STK31: variants seen among roughly 807,000 people sequenced by gnomAD.
STK31 encodes the protein serine/threonine kinase 31, also known as serine/threonine-protein kinase 31.
Under a neutral mutation model 129.7 loss-of-function variants are expected in STK31, and 89 were observed. The observed-to-expected ratio is 0.69, with a 90% CI of 0.58 to 0.82. The LOEUF is 0.82. STK31 is among the 40% of genes least tolerant of loss of function. The pLI is 0.00. For synonymous variants in STK31, 448 were observed against 395.3 expected, an observed-to-expected ratio of 1.13 and a Z score of -1.58; for missense variants, 1,187 against 1,176.4, an observed-to-expected ratio of 1.01 and a Z score of -0.13.
Position 23,752,702 on chromosome 7 carries a change from T to C in STK31, c.1018-15T>C, listed in dbSNP as rs781631424. ...TATTTGGGTCTCACGAGAATGTGTT[T>C]ATTCTTTGTTTCAGCAAGAGAAGGC... On this transcript the variant is annotated splice_polypyrimidine_tract_variant and intron_variant, in intron 8 of 23. Transcript: ENST00000355870. The C allele has an allele frequency of 1.9e-6, 3 of 1,575,930 alleles. No individual in the cohort carries two copies. The highest frequency in any genetic ancestry group is 4.5e-5 in the East Asian group (2 of 44,652).
intron 6 of STK31, among the ~76,000 whole-genome samples, chr7:23,730,814 A>ATG (rs931320011): frequency 2.1e-5 from 3 of 141,502 alleles, no homozygotes; most frequent in African/African-American, 5.2e-5. Flanking sequence ...ATGTTTTTGT[A>ATG]TGTTTCAAAG....
chr7:23,719,584 A>T (rs1009871753), intron 4 of STK31, among the ~76,000 whole-genome samples: 11 of 152,066 alleles, frequency 7.2e-5, no homozygotes, highest in African/African-American at 2.7e-4. Flanking sequence ...TATGAAACTG[A>T]TTTTTCCTTT....
At chr7:23,798,848 C>A (rs1486752111) in intron 22 of STK31, among the ~76,000 whole-genome samples, 3 of 152,168 alleles carry the variant, frequency 2.0e-5, no homozygotes, top group Admixed American at 2.0e-4. Context: ...TAGAAAATCC[C>A]ATCATCTCAG....
intron 15 of STK31, among the ~76,000 whole-genome samples, chr7:23,779,012 G>GT (rs934939297): frequency 5.3e-5 from 8 of 151,988 alleles, no homozygotes; most frequent in Non-Finnish European, 1.2e-4. Flanking sequence ...CTTTGGATGT[G>GT]TTTTTTTTTG....
intron 16 of STK31, among the ~76,000 whole-genome samples, chr7:23,781,968 C>A (rs1341403064): frequency 6.6e-6 from 1 of 152,114 alleles, no homozygotes; most frequent in African/African-American, 2.4e-5. Flanking sequence ...ATTAATGGAG[C>A]ACATAATTTA....
chr7:23,802,857 A>G (rs1389676918), intron 22 of STK31, among the ~76,000 whole-genome samples: 1 of 152,200 alleles, frequency 6.6e-6, no homozygotes, highest in Non-Finnish European at 1.5e-5. Flanking sequence ...TGTGTGCACA[A>G]AAGCCCTGCT....
chr7:23,712,688 A>T (rs376508554), intron 3 of STK31, among the ~76,000 whole-genome samples: 3 of 152,262 alleles, frequency 2.0e-5, no homozygotes, highest in East Asian at 3.9e-4. Flanking sequence ...TAATGGCTTA[A>T]ATTTGAGATG....
chr7:23,740,590 A>T (rs1031807955), intron 8 of STK31, among the ~76,000 whole-genome samples: 2 of 151,996 alleles, frequency 1.3e-5, no homozygotes, highest in African/African-American at 4.8e-5. Context: ...GGTGTGCTGC[A>T]CCCATTAACT....
intron 6 of STK31, among the ~76,000 whole-genome samples, chr7:23,734,676 T>C (rs1787614223): frequency 1.3e-5 from 2 of 152,132 alleles, no homozygotes; most frequent in Non-Finnish European, 2.9e-5. Context: ...GAGTTTTGAA[T>C]GTAGAAGGCC....
chr7:23,735,996 C>T, intron 7 of STK31, 100 bp downstream of exon 7: 1 of 991,868 alleles, frequency 1.0e-6, no homozygotes, highest in African/African-American at 1.6e-5. Flanking sequence ...TTTACTGTGT[C>T]AGTGATTTTA....
intron 15 of STK31, among the ~76,000 whole-genome samples, 159 bp from the exon 16 acceptor site, chr7:23,781,260 C>T (rs1790906877): frequency 6.6e-6 from 1 of 152,110 alleles, no homozygotes; most frequent in African/African-American, 2.4e-5. Flanking sequence ...AATAAATTGA[C>T]CTAAGTTAAT....
At chr7:23,769,261 C>T in intron 12 of STK31, 87 bp downstream of exon 12, 2 of 1,224,272 alleles carry the variant, frequency 1.6e-6, no homozygotes. Context: ...CAAGAGCTGA[C>T]ATCATCTACC....
rs1044417144 is a variant in STK31 at position 23,737,017 on chromosome 7, C to G, written c.956C>G (p.Ala319Gly). 1.9e-6 allele frequency: 3 copies of G among 1,612,766 alleles called. No homozygotes were observed. In the African/African-American group the frequency reaches 4.0e-5, roughly 22 times the overall value. ...ENEKLKTEKD[A>G]LLESYKALEL... is the part of the protein sequence containing the mutation. ...GAAAAACTTAAAACAGAGAAGGACG[C>G]TCTTCTTGAAAGTTATAAGGCGTTA... is the stretch of plus-strand genomic sequence containing the variant. Residue 319 changes from alanine to glycine, a missense_variant, in exon 8 of 24, where the codon GCT becomes GGT. By Grantham distance (60) the Ala-to-Gly change is moderately conservative (BLOSUM62 0). Coordinates refer to ENST00000355870, the MANE Select transcript of STK31 (RefSeq NM_031414.5).
Position 23,755,367 on chromosome 7 carries a change from T to C in STK31, c.1293+893T>C, listed in dbSNP as rs374836572. 1.8e-4 allele frequency among the ~76,000 whole-genome samples: 28 copies of C among 152,352 alleles called. No homozygotes were observed. In the East Asian group the frequency reaches 2.5e-3, roughly 14 times the overall value. ...GTTGTCTTTTTCCTGTAAATATGTT[T>C]AAGTTCTTTGTAGATTCTGGATATT... On this transcript the variant is annotated intron_variant, in intron 10 of 23. Coordinates refer to ENST00000355870, the MANE Select transcript of STK31 (RefSeq NM_031414.5).
chr7:23,710,443 T>A (rs1285235181), intron 1 of STK31, 108 bp downstream of exon 1: 1 of 1,584,400 alleles, frequency 6.3e-7, no homozygotes, highest in Admixed American at 1.9e-5. Context: ...CATTTCAGGG[T>A]TTTCTGTCAC....
chr7:23,803,911 G>A (rs77731788), intron 22 of STK31, among the ~76,000 whole-genome samples: 15,790 of 152,066 alleles, frequency 0.1, 1,008 homozygotes, highest in East Asian at 0.22. Flanking sequence ...ATATTTTTAG[G>A]TTATTATGGA....
intron 15 of STK31, among the ~76,000 whole-genome samples, chr7:23,772,620 G>A (rs1562589796): frequency 2.6e-5 from 4 of 152,144 alleles, no homozygotes; most frequent in Admixed American, 6.6e-5. Flanking sequence ...GCAGGTGACA[G>A]GGTACCCCCT....
At chr7:23,773,734 A>AGTGT (rs58341131) in intron 15 of STK31, among the ~76,000 whole-genome samples, 1,894 of 130,184 alleles carry the variant, frequency 0.015, 12 homozygotes, top group African/African-American at 0.024. Flanking sequence ...TGTGTGTGTG[A>AGTGT]GTGTGTGTGT....
chr7:23,779,632 A>G (rs575644543), intron 15 of STK31, among the ~76,000 whole-genome samples: 11 of 152,156 alleles, frequency 7.2e-5, no homozygotes, highest in African/African-American at 1.9e-4. Context: ...CTTTGTTTAC[A>G]CTGTGAGGGG....
Sources: gnomAD v4.1 joint callset for allele counts (sites outside exome capture counted in the v4.1 genomes callset) on GRCh38, gnomAD v4.1.1 for gene constraint, MANE v1.5 for transcripts, NCBI Gene and HGNC (gene_info 2026-07-23, HGNC 2026-07-21) for gene names.